The following METTL15 variants were observed in gnomAD, a reference collection of about 807,000 sequenced individuals.
METTL15 encodes methyltransferase 15, mitochondrial 12S rRNA N4-cytidine.
METTL15 carries 34 observed loss-of-function variants against 38.3 expected under a neutral mutation model. That is an observed-to-expected ratio of 0.89 (90% CI 0.68 to 1.18). The LOEUF is 1.18. Among genes scored for constraint, METTL15 ranks in the 50% most tolerant of loss-of-function variants. The pLI, the probability that METTL15 is intolerant of heterozygous loss-of-function variation, is 0.00. For missense variants in METTL15, 438 were observed against 498.4 expected, an observed-to-expected ratio of 0.88 and a Z score of 1.15; for synonymous variants, 162 against 170.9, an observed-to-expected ratio of 0.95 and a Z score of 0.41.
intron 6 of METTL15, among the ~76,000 whole-genome samples, chr11:28,312,577 T>C (rs540961962): frequency 6.6e-6 from 1 of 152,322 alleles, no homozygotes; most frequent in African/African-American, 2.4e-5. Flanking sequence ...TTTTTTCTTG[T>C]TGTGTTAGTC....
chr11:28,149,548 C>T (rs1235424661), intron 3 of METTL15, among the ~76,000 whole-genome samples: 11 of 151,764 alleles, frequency 7.2e-5, no homozygotes, highest in African/African-American at 9.7e-5. Context: ...CCTTCTAGGC[C>T]GTGGTGCCTT....
chr11:28,270,269 A>G (rs1045435122), intron 4 of METTL15, among the ~76,000 whole-genome samples: 7 of 152,174 alleles, frequency 4.6e-5, no homozygotes, highest in African/African-American at 1.7e-4. Flanking sequence ...AATATTGCAT[A>G]TAGTTATCAT....
chr11:28,269,402 G>T (rs1855556487), intron 4 of METTL15, among the ~76,000 whole-genome samples: 2 of 151,604 alleles, frequency 1.3e-5, no homozygotes, highest in South Asian at 4.2e-4. Flanking sequence ...TTTAAATATA[G>T]GTTTATATAT....
intron 6 of METTL15, among the ~76,000 whole-genome samples, chr11:28,465,429 A>G (rs1453401314): frequency 6.6e-6 from 1 of 152,082 alleles, no homozygotes. Flanking sequence ...GATGACCTCC[A>G]AATCTATTTT....
chr11:28,311,797 A>T (rs1857314116), intron 6 of METTL15, among the ~76,000 whole-genome samples: 2 of 152,266 alleles, frequency 1.3e-5, no homozygotes, highest in South Asian at 4.1e-4. Context: ...AATGAAACGT[A>T]AGTATGAGTG....
chr11:28,503,543 A>C (rs1851601602), intron 6 of METTL15, among the ~76,000 whole-genome samples: 1 of 152,220 alleles, frequency 6.6e-6, no homozygotes, highest in South Asian at 2.1e-4. Context: ...CTGCAATCCC[A>C]GCACTTTGGG....
intron 5 of METTL15, among the ~76,000 whole-genome samples, chr11:28,367,278 G>GA (rs1488172183): frequency 6.7e-6 from 1 of 150,236 alleles, no homozygotes; most frequent in East Asian, 1.9e-4. Flanking sequence ...GATACTGCAG[G>GA]AAAAAAGATA....
chr11:28,221,615 G>A (rs1853226605), intron 4 of METTL15, among the ~76,000 whole-genome samples: 1 of 152,182 alleles, frequency 6.6e-6, no homozygotes, highest in African/African-American at 2.4e-5. Flanking sequence ...TTCCCTTGGA[G>A]GAGGAGAGGC....
chr11:28,357,146 G>A (rs1850097459), intron 4 of METTL15, among the ~76,000 whole-genome samples: 1 of 152,202 alleles, frequency 6.6e-6, no homozygotes, highest in African/African-American at 2.4e-5. Flanking sequence ...CACTTGTAAG[G>A]CTGATAGAGT....
rs554231119 is a variant in METTL15, at chr11:28,182,084, T to C, written c.271-28978T>C. ...TTGAGAAGTGTCTGTTTATATCCTT[T>C]GCCCACTTTTTGATGGGGTTGTTTG... is the stretch of plus-strand genomic sequence containing the variant. On this transcript the variant is annotated intron_variant, in intron 3 of 6. Coordinates refer to ENST00000407364, the MANE Select transcript of METTL15 (RefSeq NM_001113528.2). Among the ~76,000 whole-genome samples the C allele has an allele frequency of 1.1e-4, 16 of 152,228 alleles. No homozygotes were observed. The East Asian group carries it at 1.9e-3, about 18-fold the overall frequency.
chr11:28,242,659 A>G (rs995840691), intron 4 of METTL15, among the ~76,000 whole-genome samples: 1 of 151,944 alleles, frequency 6.6e-6, no homozygotes, highest in African/African-American at 2.4e-5. Context: ...TTGGGTTTCT[A>G]TATCTATTTT....
rs1190111695 is a variant in METTL15, at chr11:28,330,246, G to A, written c.779-150G>A. ...ACCTTGGAAGAATGTTTGGGAATAA[G>A]AGGGGGAAGTATGAATGAAGTGCCA... is the stretch of plus-strand genomic sequence containing the variant. On this transcript the variant is annotated intron_variant, in intron 6 of 6. Coordinates refer to ENST00000407364, the MANE Select transcript of METTL15 (RefSeq NM_001113528.2). 9.0e-6 allele frequency: 6 copies of A among 670,136 alleles called. No homozygotes were observed. In the African/African-American group the frequency reaches 1.1e-4, roughly 12 times the overall value. The allele number at this position is 670,136 out of a possible 1,614,324, so 41.5% of individuals were successfully genotyped here. A position where few individuals can be genotyped will look rare whatever the true frequency, so the allele number is the denominator to read the frequency against.
chr11:28,237,308 T>C (rs1031545670), intron 4 of METTL15, among the ~76,000 whole-genome samples: 1 of 152,176 alleles, frequency 6.6e-6, no homozygotes, highest in Non-Finnish European at 1.5e-5. Flanking sequence ...TTTCTTTTTA[T>C]TCTTTTTTCT....
At position 28,408,607 on chromosome 11, in the gene METTL15, C is replaced by A. The variant is rs561085442; in HGVS notation, c.*359-15692C>A. Among the ~76,000 whole-genome samples the A allele has an allele frequency of 2.6e-5, 4 of 152,114 alleles. No individual in the cohort carries two copies. The South Asian group carries it at 8.3e-4, about 32-fold the overall frequency. Reference sequence around the variant, plus strand: ...ATAGGGGAATGGATAAATAAATGATCATATGGTAAAATGTCATATAGCTAT... The same window carrying A: ...ATAGGGGAATGGATAAATAAATGATAATATGGTAAAATGTCATATAGCTAT... On this transcript the variant is annotated intron_variant and NMD_transcript_variant, in intron 5 of 7. Transcript: ENST00000532947.
At chr11:28,236,879 A>T (rs1194583810) in intron 4 of METTL15, among the ~76,000 whole-genome samples, 2 of 152,190 alleles carry the variant, frequency 1.3e-5, no homozygotes, top group Non-Finnish European at 2.9e-5. Context: ...TTGGCTGGAT[A>T]TGAAATTCTG....
chr11:28,454,769 C>A (rs1046157969), intron 6 of METTL15, among the ~76,000 whole-genome samples: 2 of 152,206 alleles, frequency 1.3e-5, no homozygotes, highest in African/African-American at 4.8e-5. Flanking sequence ...TTTTCACCAA[C>A]ATAAATTAGC....
intron 6 of METTL15, among the ~76,000 whole-genome samples, chr11:28,318,909 TCA>T (rs1849363230): frequency 6.6e-6 from 1 of 152,138 alleles, no homozygotes; most frequent in East Asian, 1.9e-4. Flanking sequence ...AAACCCACTA[TCA>T]AGAAAGCAGA....
chr11:28,368,134 A>C (rs138207982), intron 5 of METTL15, among the ~76,000 whole-genome samples: 4,686 of 143,844 alleles, frequency 0.033, 225 homozygotes, highest in African/African-American at 0.12. Flanking sequence ...ATAGCAAAAA[A>C]AAAAAAAACA....
At chr11:28,300,797 C>T (rs1315138620) in intron 6 of METTL15, among the ~76,000 whole-genome samples, 2 of 152,016 alleles carry the variant, frequency 1.3e-5, no homozygotes, top group Admixed American at 1.3e-4. Context: ...ATAACAAGTC[C>T]ACATTTTGTT....
Sources: gnomAD v4.1 joint callset for allele counts (sites outside exome capture counted in the v4.1 genomes callset) on GRCh38, gnomAD v4.1.1 for gene constraint, MANE v1.5 for transcripts, NCBI Gene and HGNC (gene_info 2026-07-23, HGNC 2026-07-21) for gene names.